SRR: variants seen among roughly 807,000 people sequenced by gnomAD.
SRR encodes the protein D-serine ammonia-lyase.
Under a neutral mutation model 32.7 loss-of-function variants are expected in SRR, and 19 were observed. That is an observed-to-expected ratio of 0.58 (90% CI 0.40 to 0.85). The LOEUF is 0.85. Ranked by LOEUF, SRR falls within the 40% of genes least tolerant of loss-of-function variation. The pLI is 0.00. For missense variants in SRR, 373 were observed against 404.7 expected (o/e 0.92, Z 0.67); for synonymous variants, 142 against 140.9 (o/e 1.01, Z -0.06).
In SRR at chr17:2,307,463, G is replaced by A. The variant is rs2075399680; in HGVS notation, c.-5+3446G>A. 2.1e-5 allele frequency: 30 copies of A among 1,434,248 alleles called. 1 individual carries two copies. In the East Asian group the frequency reaches 6.8e-4, roughly 33 times the overall value. 88.8% of individuals were successfully genotyped at this position (1,434,248 alleles called of 1,614,324 possible). A position where few individuals can be genotyped will look rare whatever the true frequency, so the allele number is the denominator to read the frequency against. Reference sequence around the variant, plus strand: ...GGCTTTGGTGGCAGCTGTGGTGGTGGTGGATATCGTGCAGTGGGGATGGCT... The same window carrying A: ...GGCTTTGGTGGCAGCTGTGGTGGTGATGGATATCGTGCAGTGGGGATGGCT... On this transcript the variant is annotated intron_variant, in intron 1 of 7. Transcript: ENST00000344595.
chr17:2,319,658 T>A (rs966745758), intron 4 of SRR, among the ~76,000 whole-genome samples: 1 of 152,160 alleles, frequency 6.6e-6, no homozygotes, highest in Non-Finnish European at 1.5e-5. Flanking sequence ...ATAACCCAAC[T>A]GCTTCTGTGT....
At chr17:2,319,250 C>G (rs913540543) in intron 4 of SRR, among the ~76,000 whole-genome samples, 2 of 152,174 alleles carry the variant, frequency 1.3e-5, no homozygotes, top group African/African-American at 4.8e-5. Context: ...TCTTACTTCC[C>G]TATATTGCTT....
In SRR at chr17:2,324,190, A is replaced by T; in HGVS notation, c.*317A>T. ...GCACCGGTAAGACAGAATCTCTTTG[A>T]ATCCATTACTCCATGCCCCCTTGAG... On this transcript the variant is annotated 3_prime_UTR_variant, in exon 8 of 8. Coordinates refer to ENST00000344595, the MANE Select transcript of SRR (RefSeq NM_021947.3). The T allele has an allele frequency of 1.3e-6, 2 of 1,516,058 alleles. No individual in the cohort carries two copies. The highest frequency in any genetic ancestry group is 1.9e-4 in the Middle Eastern group (1 of 5,380). 93.9% of individuals were successfully genotyped at this position (1,516,058 alleles called of 1,614,324 possible).
chr17:2,308,134 AG>A (rs1434474344), intron 1 of SRR, among the ~76,000 whole-genome samples: 9 of 152,120 alleles, frequency 5.9e-5, no homozygotes, highest in African/African-American at 1.9e-4. Context: ...TGGATTATTT[AG>A]AAATTATAAT....
At position 2,324,468 on chromosome 17, in the gene SRR, A is replaced by G; in HGVS notation, c.*595A>G. On this transcript the variant is annotated 3_prime_UTR_variant, in exon 8 of 8. Transcript: ENST00000344595. ...AACAGTCATTTAGCAACACTGCAGA[A>G]ATGCAGACATGGTCTCAAATCCCGT... is the stretch of plus-strand genomic sequence containing the variant. 6.2e-7 allele frequency: 1 copy of G among 1,613,958 alleles called. No homozygotes were observed. The highest frequency in any genetic ancestry group is 1.3e-5 in the African/African-American group (1 of 75,058).
chr17:2,308,031 C>A (rs1597257887), intron 1 of SRR, among the ~76,000 whole-genome samples: 1 of 144,444 alleles, frequency 6.9e-6, no homozygotes, highest in Admixed American at 6.9e-5. Flanking sequence ...GATCGTGACA[C>A]TGAATAAATG....
chr17:2,312,149 G>A (rs544627272), intron 1 of SRR, among the ~76,000 whole-genome samples: 110 of 150,266 alleles, frequency 7.3e-4, no homozygotes, highest in Middle Eastern at 3.4e-3. Context: ...TCAAGAGTTT[G>A]AAGCTGCAGG....
chr17:2,307,437 T>A, intron 1 of SRR: 1 of 1,357,076 alleles, frequency 7.4e-7, no homozygotes, highest in Non-Finnish European at 1.0e-6. Flanking sequence ...GTGGTCATGG[T>A]GGCTTTGGTG....
chr17:2,316,164 C>T (rs1426070593), intron 2 of SRR, among the ~76,000 whole-genome samples: 1 of 152,092 alleles, frequency 6.6e-6, no homozygotes, highest in African/African-American at 2.4e-5. Flanking sequence ...TAGCTGCCTA[C>T]AGTATTCAGT....
upstream of SRR, chr17:2,303,788 A>G: frequency 1.6e-6 from 2 of 1,280,700 alleles, no homozygotes; most frequent in East Asian, 3.3e-5. Flanking sequence ...ACCACCACAG[A>G]CGGGCGGCGC....
Position 2,315,638 on chromosome 17 carries a change from A to C in SRR, c.78A>C (p.Thr26=), listed in dbSNP as rs775070952. ...HINIRDSIHL[T]PVLTSSILNQ... is the part of the protein sequence containing the mutation. The stretch of plus-strand genomic sequence containing the variant: ...ACATTCGAGATTCTATCCACCTCAC[A>C]CCAGTGCTAACAAGCTCCATTTTGA... The change falls in exon 2 of 8, where the codon ACA becomes ACC. Residue 26 remains threonine (T), a synonymous_variant. Transcript: ENST00000344595. 6.2e-7 allele frequency: 1 copy of C among 1,614,152 alleles called. No homozygotes were observed. Among genetic ancestry groups the C allele is most frequent in the Admixed American group, 1.7e-5 (1 of 60,008 alleles).
chr17:2,316,942 T>G (rs1024265635), intron 2 of SRR, among the ~76,000 whole-genome samples: 24 of 148,502 alleles, frequency 1.6e-4, no homozygotes, highest in Admixed American at 3.4e-4. Context: ...AGCCAGGATG[T>G]TCTTGATCTG....
At position 2,318,947 on chromosome 17, in the gene SRR, T is replaced by TG. The variant is rs1199134350; in HGVS notation, c.399+20dup. ...GTGATGAGGTAAGGAGAGCAGTGCT[T>TG]GGTACCACCTTAACAGCTTTCATTT... On this transcript the variant is annotated intron_variant, in intron 4 of 7. Coordinates refer to ENST00000344595, the MANE Select transcript of SRR (RefSeq NM_021947.3). 6.5e-7 allele frequency: 1 copy of TG among 1,537,066 alleles called. No individual in the cohort carries two copies. The highest frequency in any genetic ancestry group is 9.0e-7 in the Non-Finnish European group (1 of 1,110,262).
chr17:2,304,815 A>T (rs900898013), intron 1 of SRR, among the ~76,000 whole-genome samples: 2 of 152,144 alleles, frequency 1.3e-5, no homozygotes, highest in African/African-American at 2.4e-5. Flanking sequence ...ATTCTTGAAA[A>T]AAATTACTGC....
Position 2,324,222 on chromosome 17 carries a change from T to C in SRR, c.*349T>C. 3.9e-6 allele frequency: 6 copies of C among 1,526,742 alleles called. No individual in the cohort carries two copies. The highest frequency in any genetic ancestry group is 5.2e-6 in the Non-Finnish European group (6 of 1,142,870). 94.6% of individuals were successfully genotyped at this position (1,526,742 alleles called of 1,614,324 possible). A position where few individuals can be genotyped will look rare whatever the true frequency, so the allele number is the denominator to read the frequency against. On this transcript the variant is annotated 3_prime_UTR_variant, in exon 8 of 8. Coordinates refer to ENST00000344595, the MANE Select transcript of SRR (RefSeq NM_021947.3). ...TACTCCATGCCCCCTTGAGGCACTGTTGAAGAAATCTCACTTTTCAGCCAG... is the reference window on the plus strand; with the variant it reads ...TACTCCATGCCCCCTTGAGGCACTGCTGAAGAAATCTCACTTTTCAGCCAG...
intron 1 of SRR, among the ~76,000 whole-genome samples, chr17:2,305,644 A>G (rs1339654849): frequency 6.6e-6 from 1 of 152,198 alleles, no homozygotes; most frequent in African/African-American, 2.4e-5. Context: ...AAAAGAAATG[A>G]CAAGAAAGAC....
At chr17:2,308,555 C>G (rs770165502) in intron 1 of SRR, among the ~76,000 whole-genome samples, 5 of 152,184 alleles carry the variant, frequency 3.3e-5, no homozygotes, top group Admixed American at 6.6e-5. Context: ...CCAGGAGTTA[C>G]TCTTTTTAAA....
Position 2,317,950 on chromosome 17 carries a change from C to T in SRR, c.249C>T (p.Ser83=). Residue 83 remains serine (S), a synonymous_variant, in exon 3 of 8, where the codon AGC becomes AGT. Coordinates refer to ENST00000344595, the MANE Select transcript of SRR (RefSeq NM_021947.3). ...ERKPKAVVTH[S]SGNHGQALTY... ...AGCCGAAAGCTGTTGTTACTCACAGCAGTGGAAACCATGGCCAGGCTCTCA... is the reference window on the plus strand; with the variant it reads ...AGCCGAAAGCTGTTGTTACTCACAGTAGTGGAAACCATGGCCAGGCTCTCA... The T allele has an allele frequency of 1.9e-6, 3 of 1,613,980 alleles. No individual in the cohort carries two copies. The East Asian group carries it at 6.7e-5, about 36-fold the overall frequency.
At chr17:2,322,211 G>A (rs150684510) in intron 6 of SRR, among the ~76,000 whole-genome samples, 1 of 152,218 alleles carries the variant, frequency 6.6e-6, no homozygotes, top group African/African-American at 2.4e-5. Flanking sequence ...TTACAGGTGT[G>A]AGCCACCGCA....
Sources: gnomAD v4.1 joint callset for allele counts (sites outside exome capture counted in the v4.1 genomes callset) on GRCh38, gnomAD v4.1.1 for gene constraint, MANE v1.5 for transcripts, NCBI Gene and HGNC (gene_info 2026-07-23, HGNC 2026-07-21) for gene names.